UVSSA: variants seen among roughly 807,000 people sequenced by gnomAD.
UVSSA encodes UV-stimulated scaffold protein A.
A neutral mutation model predicts 73.9 loss-of-function variants in UVSSA; 72 were observed. That is an observed-to-expected ratio of 0.97 (90% CI 0.81 to 1.19). The LOEUF (loss-of-function observed/expected upper bound fraction) is 1.19, where lower values mean the gene tolerates loss of function less well. UVSSA is among the 50% of genes most tolerant of loss of function. The probability of loss-of-function intolerance (pLI) is 0.00; values close to 1 mark genes in which losing one functional copy is unlikely to be tolerated. For missense variants in UVSSA, 1,150 were observed against 965.0 expected (o/e 1.19, Z -2.54); for synonymous variants, 454 against 391.3 (o/e 1.16, Z -1.89).
At chr4:1,371,158 GTGTA>G (rs753781841) in intron 8 of UVSSA, among the ~76,000 whole-genome samples, 42 of 152,186 alleles carry the variant, frequency 2.8e-4, no homozygotes, top group Non-Finnish European at 5.3e-4. Context: ...GTGTGTGGAC[GTGTA>G]TGTGTGTGTA....
At chr4:1,395,742 C>G (rs746378277) in exon 14 of UVSSA, 1 of 1,614,240 alleles carries the variant, frequency 6.2e-7, no homozygotes, top group Non-Finnish European at 8.5e-7. Context: ...GTTTCCTGTC[C>G]TGCCGGCCGA....
intron 5 of UVSSA, among the ~76,000 whole-genome samples, chr4:1,354,217 A>G (rs1715283851): frequency 6.6e-6 from 1 of 152,212 alleles, no homozygotes; most frequent in Non-Finnish European, 1.5e-5. Context: ...CGCTGCTGCA[A>G]GCCTGGGCTG....
At chr4:1,353,901 A>G (rs1217507404) in intron 5 of UVSSA, among the ~76,000 whole-genome samples, 1 of 152,172 alleles carries the variant, frequency 6.6e-6, no homozygotes, top group Non-Finnish European at 1.5e-5. Flanking sequence ...CAGCCTTGGC[A>G]CTGCAGCCTG....
At chr4:1,361,108 G>A (rs940360672) in intron 7 of UVSSA, among the ~76,000 whole-genome samples, 1 of 152,218 alleles carries the variant, frequency 6.6e-6, no homozygotes, top group Non-Finnish European at 1.5e-5. Flanking sequence ...AGGCAGCCCC[G>A]GGGACCCAGC....
intron 7 of UVSSA, among the ~76,000 whole-genome samples, chr4:1,361,702 A>T (rs1179621875): frequency 6.6e-6 from 1 of 152,264 alleles, no homozygotes; most frequent in Non-Finnish European, 1.5e-5. Context: ...GGGCATTAGC[A>T]TATAAATAGC....
intron 12 of UVSSA, among the ~76,000 whole-genome samples, chr4:1,382,210 C>T (rs546103074): frequency 4.6e-5 from 7 of 152,378 alleles, no homozygotes; most frequent in African/African-American, 1.4e-4. Context: ...TGAGGCCTTC[C>T]CTGGTGGCTC....
rs375343086 is a variant in UVSSA at position 1,353,024 on chromosome 4, C to T, written c.551-6C>T. On this transcript the variant is annotated splice_polypyrimidine_tract_variant and splice_region_variant and intron_variant, in intron 4 of 13. Coordinates refer to ENST00000389851, the MANE Select transcript of UVSSA (RefSeq NM_020894.4). The stretch of plus-strand genomic sequence containing the variant: ...GCAGCAAACAGGTGTCTTGATCTTC[C>T]GGCAGAAATGTCTGGAGAAATTGAA... The T allele has an allele frequency of 1.6e-5, 25 of 1,602,318 alleles. No homozygotes were observed. Among genetic ancestry groups the T allele is most frequent in the South Asian group, 1.0e-4 (9 of 89,258 alleles).
At chr4:1,369,504 C>T (rs1175943439) in intron 8 of UVSSA, among the ~76,000 whole-genome samples, 2 of 152,244 alleles carry the variant, frequency 1.3e-5, no homozygotes, top group Admixed American at 6.5e-5. Context: ...TAGTCTAAAT[C>T]CACACCACGG....
At chr4:1,343,098 C>T (rs1463266991), upstream of UVSSA, among the ~76,000 whole-genome samples, 1 of 152,134 alleles carries the variant, frequency 6.6e-6, no homozygotes, top group Non-Finnish European at 1.5e-5. Context: ...TATTAGTTTG[C>T]TCGGCTGCCG....
chr4:1,385,788 A>G (rs1358270542), intron 13 of UVSSA, 80 bp from the exon 14 acceptor site: 26 of 1,474,170 alleles, frequency 1.8e-5, no homozygotes, highest in Admixed American at 5.0e-5. Flanking sequence ...ACCAGTGCCT[A>G]ACTTTGGTGA....
At chr4:1,348,219 G>A (rs2109047684) in intron 2 of UVSSA, 30 bp downstream of exon 2, 2 of 1,561,312 alleles carry the variant, frequency 1.3e-6, no homozygotes, top group Non-Finnish European at 1.8e-6. Flanking sequence ...AACAGTAACT[G>A]ACTGGCCCAC....
chr4:1,375,963 G>A, intron 9 of UVSSA, 71 bp from the exon 10 acceptor site: 1 of 1,545,564 alleles, frequency 6.5e-7, no homozygotes, highest in Non-Finnish European at 8.7e-7. Context: ...CTGTGGGGGT[G>A]GGGAGGGAGA....
Position 1,380,083 on chromosome 4 carries a change from G to C in UVSSA, c.1605G>C (p.Glu535Asp), listed in dbSNP as rs1164709919. 6.2e-6 allele frequency: 10 copies of C among 1,611,778 alleles called. No homozygotes were observed. The highest frequency in any genetic ancestry group is 8.5e-6 in the Non-Finnish European group (10 of 1,179,404). Residue 535 changes from glutamate to aspartate, a missense_variant, in exon 11 of 14, where the codon GAG (glutamate) becomes GAC (aspartate). Physicochemically the swap from Glu to Asp is conservative, Grantham distance 45. Coordinates refer to ENST00000389851, the MANE Select transcript of UVSSA (RefSeq NM_020894.4). ...AGCACCGCTTCTGGAAGCCCAGCGAGGTGGAGGAGGAAGTGGTCAATGCCG... is the reference window on the plus strand; with the variant it reads ...AGCACCGCTTCTGGAAGCCCAGCGACGTGGAGGAGGAAGTGGTCAATGCCG... The part of the protein sequence containing the change: ...DSQHRFWKPS[E>D]VEEEVVNADI...
chr4:1,384,056 C>T, intron 13 of UVSSA, 116 bp downstream of exon 13: 2 of 1,309,058 alleles, frequency 1.5e-6, no homozygotes, highest in Non-Finnish European at 2.0e-6. Context: ...AGGGGCTCCC[C>T]TGCTTTGAGT....
chr4:1,393,662 C>T, exon 14 of UVSSA: 1 of 152,448 alleles, frequency 6.6e-6, no homozygotes, highest in East Asian at 1.9e-4. Context: ...AGTTCAACAT[C>T]AGGGCTTATT....
At position 1,354,788 on chromosome 4, in the gene UVSSA, C is replaced by G. The variant is rs143509490; in HGVS notation, c.988C>G (p.Arg330Gly). The change falls in exon 6 of 14, where the codon CGC (arginine) becomes GGC (glycine). Residue 330 changes from arginine (R) to glycine (G), a missense_variant. By Grantham distance (125) the Arg-to-Gly change is moderately radical. Transcript: ENST00000389851. ...CAACCTTGCTCTCATCCACGCCGCC[C>G]GCGACACACTCAAGCTCATCCGGAA... ...EDNLALIHAA[R>G]DTLKLIRNKF... The G allele has an allele frequency of 9.3e-6, 15 of 1,613,530 alleles. No individual in the cohort carries two copies. The highest frequency in any genetic ancestry group is 1.6e-4 in the Middle Eastern group (1 of 6,062).
intron 8 of UVSSA, among the ~76,000 whole-genome samples, chr4:1,367,339 A>G: frequency 6.6e-6 from 1 of 152,146 alleles, no homozygotes; most frequent in East Asian, 1.9e-4. Context: ...AGGGGAGGCA[A>G]ATGAAAACAA....
chr4:1,370,401 G>A (rs987954017), intron 8 of UVSSA, among the ~76,000 whole-genome samples: 10 of 152,226 alleles, frequency 6.6e-5, no homozygotes, highest in African/African-American at 9.6e-5. Flanking sequence ...GGGGCTGCCC[G>A]GTGTCTCCCG....
intron 8 of UVSSA, among the ~76,000 whole-genome samples, chr4:1,368,169 T>C (rs1177110662): frequency 1.3e-5 from 2 of 152,348 alleles, no homozygotes; most frequent in East Asian, 3.9e-4. Flanking sequence ...GGACCCCTCC[T>C]GGGCATCTTC....
Sources: gnomAD v4.1 joint callset for allele counts (sites outside exome capture counted in the v4.1 genomes callset) on GRCh38, gnomAD v4.1.1 for gene constraint, MANE v1.5 for transcripts, NCBI Gene and HGNC (gene_info 2026-07-23, HGNC 2026-07-21) for gene names.